The following ASTE1 variants were observed in gnomAD, a reference collection of about 807,000 sequenced individuals.
ASTE1 encodes the protein single-strand DNA endonuclease ASTE1.
A neutral mutation model predicts 45.8 loss-of-function variants in ASTE1; 49 were observed. That is an observed-to-expected ratio of 1.07 (90% confidence interval 0.85 to 1.36). The LOEUF (loss-of-function observed/expected upper bound fraction) is 1.36. Among genes scored for constraint, ASTE1 ranks in the 40% most tolerant of loss-of-function variants. The probability of loss-of-function intolerance (pLI) is 0.00; values close to 1 mark genes in which losing one functional copy is unlikely to be tolerated. For synonymous variants in ASTE1, 296 were observed against 303.9 expected (o/e 0.97, Z 0.27); for missense variants, 709 against 804.0 (o/e 0.88, Z 1.43).
chr3:131,014,735 T>C (rs1299014440), intron 5 of ASTE1, among the ~76,000 whole-genome samples: 1 of 152,162 alleles, frequency 6.6e-6, no homozygotes, highest in Non-Finnish European at 1.5e-5. Context: ...AGGCAGTTTG[T>C]TAGAATATGA....
chr3:131,014,081 A>C lies in ASTE1; in HGVS notation c.2016T>G (p.His672Gln). The C allele has an allele frequency of 6.3e-7, 1 of 1,597,524 alleles. No individual in the cohort carries two copies. Among genetic ancestry groups the C allele is most frequent in the Non-Finnish European group, 8.5e-7 (1 of 1,175,092 alleles). Residue 672 changes from histidine to glutamine, a missense_variant, in exon 6 of 6, where the codon CAT becomes CAG. By Grantham distance (24) the His-to-Gln change is conservative (BLOSUM62 0). Transcript: ENST00000264992. Reference sequence around the variant, plus strand: ...TTTATTCAATGTTGGAGGCCTCACTATGTTCCTCTAAGTTTTCAACCATTA... The same window carrying C: ...TTTATTCAATGTTGGAGGCCTCACTCTGTTCCTCTAAGTTTTCAACCATTA... ...GLLMVENLEEHSEASNIE is the reference protein window; with the variant it reads ...GLLMVENLEEQSEASNIE
chr3:131,014,302 C>G lies in ASTE1; in HGVS notation c.1795G>C (p.Glu599Gln). Residue 599 changes from glutamate (E) to glutamine (Q), a missense_variant, in exon 6 of 6, where the codon GAG (glutamate) becomes CAG (glutamine). Glu to Gln is a conservative substitution (Grantham distance 29). Coordinates refer to ENST00000264992, the MANE Select transcript of ASTE1 (RefSeq NM_014065.4). ...SVESLLSICP[E>Q]AKQLYEYLFN... ...AGATATTCATAAAGTTGCTTAGCCT[C>G]AGGACATATGCTCAGGAGACTTTCT... 6.2e-7 allele frequency: 1 copy of G among 1,614,024 alleles called. No individual in the cohort carries two copies. Among genetic ancestry groups the G allele is most frequent in the Non-Finnish European group, 8.5e-7 (1 of 1,179,986 alleles).
Position 131,024,345 on chromosome 3 carries a change from A to G in ASTE1, c.962T>C (p.Leu321Ser). Residue 321 changes from leucine to serine, a missense_variant, in exon 3 of 6, where the codon TTG becomes TCG. Coordinates refer to ENST00000264992, the MANE Select transcript of ASTE1 (RefSeq NM_014065.4). ...QCGTYVCPDA[L>S]NLGLPEWVLV... is the part of the protein sequence containing the mutation. ...TACCCATTCTGGTAAACCAAGATTCAAGGCATCTGGACAGACATAAGTACC... is the reference window on the plus strand; with the variant it reads ...TACCCATTCTGGTAAACCAAGATTCGAGGCATCTGGACAGACATAAGTACC... 6.2e-7 allele frequency: 1 copy of G among 1,614,276 alleles called. No homozygotes were observed. Among genetic ancestry groups the G allele is most frequent in the African/African-American group, 1.3e-5 (1 of 75,070 alleles).
chr3:131,016,413 T>A, intron 4 of ASTE1, 74 bp from the exon 5 acceptor site: 1 of 1,468,214 alleles, frequency 6.8e-7, no homozygotes, highest in Non-Finnish European at 9.4e-7. Context: ...CCACATATAC[T>A]ACAAATTCTA....
chr3:131,017,262 G>A (rs567450078), intron 4 of ASTE1, among the ~76,000 whole-genome samples: 1 of 152,378 alleles, frequency 6.6e-6, no homozygotes, highest in East Asian at 1.9e-4. Flanking sequence ...TCTGACAGCT[G>A]TCAAGCTTGA....
intron 4 of ASTE1, chr3:131,016,672 CTATTAAA>C (rs1434122329): frequency 5.8e-6 from 2 of 346,976 alleles, no homozygotes; most frequent in African/African-American, 4.2e-5. Flanking sequence ...ATACAAATGA[CTATTAAA>C]TATTATTCTC....
At chr3:131,021,823 A>G (rs2063746109) in intron 3 of ASTE1, among the ~76,000 whole-genome samples, 2 of 152,164 alleles carry the variant, frequency 1.3e-5, no homozygotes, top group Admixed American at 6.5e-5. Context: ...ACTGTACACT[A>G]CTTATTTCTC....
At chr3:131,020,329 A>G (rs1370686157) in intron 3 of ASTE1, among the ~76,000 whole-genome samples, 1 of 152,196 alleles carries the variant, frequency 6.6e-6, no homozygotes, top group Non-Finnish European at 1.5e-5. Context: ...CCATGTGACA[A>G]CTACTTTCCC....
At position 131,024,159 on chromosome 3, in the gene ASTE1, G is replaced by T. The variant is rs1283790084; in HGVS notation, c.1148C>A (p.Ala383Asp). Reference protein sequence around the residue: ...RQIIYGLLLNASPHLDKTSWN... With the variant: ...RQIIYGLLLNDSPHLDKTSWN... ...GGATGTCTTGTCCAGATGTGGTGAG[G>T]CATTTAAAAGAAGCCCATAGATGAT... Residue 383 changes from alanine (A) to aspartate (D), a missense_variant, in exon 3 of 6, where the codon GCC becomes GAC. Physicochemically the swap from Ala to Asp is moderately radical, Grantham distance 126. Transcript: ENST00000264992. The T allele has an allele frequency of 3.7e-6, 6 of 1,614,086 alleles. No homozygotes were observed. The highest frequency in any genetic ancestry group is 1.6e-4 in the Middle Eastern group (1 of 6,084).
chr3:131,014,163 C>A lies in ASTE1; in HGVS notation c.1934G>T (p.Gly645Val). The A allele has an allele frequency of 6.2e-7, 1 of 1,613,962 alleles. No homozygotes were observed. The highest frequency in any genetic ancestry group is 1.1e-5 in the South Asian group (1 of 91,072). The change falls in exon 6 of 6, where the codon GGG (glycine) becomes GTG (valine). Residue 645 changes from glycine (G) to valine (V), a missense_variant. Transcript: ENST00000264992. ...ACACTTGGTGTGTGCAGTGGTTCTC[C>A]CTCTGTTCTTAGAACAGCTGGTATT... Reference protein sequence around the residue: ...KQNTSCSKNRGRTTAHTKCWY... With the variant: ...KQNTSCSKNRVRTTAHTKCWY...
rs1278514451 is a variant in ASTE1 at position 131,014,250 on chromosome 3, G to A, written c.1847C>T (p.Pro616Leu). The part of the protein sequence containing the change: ...YLFNATRSYA[P>L]AEIFLPKGRS... ...ACCTTTTGGTAGGAATATTTCAGCG[G>A]GGGCATATGACCTTGTGGCATTGAA... Residue 616 changes from proline (P) to leucine (L), a missense_variant, in exon 6 of 6, where the codon CCC (proline) becomes CTC (leucine). By Grantham distance (98) the Pro-to-Leu change is moderately conservative (BLOSUM62 -3). Transcript: ENST00000264992. 3.1e-6 allele frequency: 5 copies of A among 1,613,696 alleles called. No homozygotes were observed. The highest frequency in any genetic ancestry group is 4.2e-6 in the Non-Finnish European group (5 of 1,179,954).
chr3:131,026,641 G>A lies in ASTE1; in HGVS notation c.-281C>T, dbSNP rs927653924. 6.6e-6 allele frequency: 1 copy of A among 152,382 alleles called. No homozygotes were observed. The highest frequency in any genetic ancestry group is 2.4e-5 in the African/African-American group (1 of 41,462). The allele number at this position is 152,382 out of a possible 1,614,324, so 9.4% of individuals were successfully genotyped here. On this transcript the variant is annotated 5_prime_UTR_variant, in exon 1 of 6. Transcript: ENST00000264992. ...CGGTGTGACGTCTCTGGGAAGTACA[G>A]TTCCGTGATGCCGGTGGCGCCAGAC...
Position 131,018,549 on chromosome 3 carries a change from G to T in ASTE1, c.1470C>A (p.Leu490=), listed in dbSNP as rs545207928. The part of the protein sequence containing the change: ...AKLHHLQSLL[L]TMLVGPLIAI... ...CAATCAAGGGCCCCACTAGCATTGT[G>T]AGCAGTAAGGATTGTAGATGATGTA... The change falls in exon 4 of 6, where the codon CTC becomes CTA. Residue 490 remains leucine, a synonymous_variant. Coordinates refer to ENST00000264992, the MANE Select transcript of ASTE1 (RefSeq NM_014065.4). The T allele has an allele frequency of 1.9e-6, 3 of 1,613,996 alleles. No homozygotes were observed. The East Asian group carries it at 6.7e-5, about 36-fold the overall frequency.
At position 131,014,230 on chromosome 3, in the gene ASTE1, T is replaced by C. The variant is rs1291058493; in HGVS notation, c.1867A>G (p.Lys623Glu). Reference protein sequence around the residue: ...SYAPAEIFLPKGRSNSKKKRQ... With the variant: ...SYAPAEIFLPEGRSNSKKKRQ... ...TTTTTTTTTGAATTTGATCTACCTT[T>C]TGGTAGGAATATTTCAGCGGGGGCA... The change falls in exon 6 of 6, where the codon AAA (lysine) becomes GAA (glutamate). Residue 623 changes from lysine (K) to glutamate (E), a missense_variant. By Grantham distance (56) the Lys-to-Glu change is moderately conservative. Transcript: ENST00000264992. The C allele has an allele frequency of 1.9e-6, 3 of 1,613,870 alleles. No homozygotes were observed. Among genetic ancestry groups the C allele is most frequent in the Admixed American group, 3.3e-5 (2 of 59,972 alleles).
intron 3 of ASTE1, among the ~76,000 whole-genome samples, chr3:131,021,475 T>G (rs1021253532): frequency 5.3e-5 from 8 of 152,228 alleles, no homozygotes; most frequent in Non-Finnish European, 7.3e-5. Flanking sequence ...ATTTCTAAAG[T>G]AATAATTCAG....
intron 4 of ASTE1, chr3:131,017,098 G>C: frequency 8.1e-7 from 1 of 1,237,654 alleles, no homozygotes; most frequent in Non-Finnish European, 1.1e-6. Context: ...CTTGGACTCA[G>C]GTAAAAACTT....
At chr3:131,023,607 A>G (rs540047445) in intron 3 of ASTE1, among the ~76,000 whole-genome samples, 55 of 152,308 alleles carry the variant, frequency 3.6e-4, no homozygotes, top group African/African-American at 1.3e-3. Flanking sequence ...GTAGTCTGAG[A>G]TGTTGTGCCT....
rs575162899 is a variant in ASTE1 at position 131,014,141 on chromosome 3, C to T, written c.1956G>A (p.Lys652=). 1 of 1,613,704 alleles carries T rather than the reference C, an allele frequency of 6.2e-7. No individual in the cohort carries two copies. Among genetic ancestry groups the T allele is most frequent in the South Asian group, 1.1e-5 (1 of 90,982 alleles). ...ACCGGTTGTTTCCCTCATACCAACA[C>T]TTGGTGTGTGCAGTGGTTCTCCCTC... The part of the protein sequence containing the change: ...KNRGRTTAHT[K]CWYEGNNRFG... Residue 652 remains lysine, a synonymous_variant, in exon 6 of 6, where the codon AAG becomes AAA. Transcript: ENST00000264992.
intron 3 of ASTE1, among the ~76,000 whole-genome samples, chr3:131,023,071 C>G (rs760437420): frequency 6.6e-6 from 1 of 152,090 alleles, no homozygotes; most frequent in Non-Finnish European, 1.5e-5. Context: ...GACAAAATCA[C>G]CAATGGTGAT....
Sources: gnomAD v4.1 joint callset for allele counts (sites outside exome capture counted in the v4.1 genomes callset) on GRCh38, gnomAD v4.1.1 for gene constraint, MANE v1.5 for transcripts, NCBI Gene and HGNC (gene_info 2026-07-23, HGNC 2026-07-21) for gene names.